Variants in C9 observed in about 807,000 individuals in gnomAD.
C9 encodes the protein complement C9.
A neutral mutation model predicts 65.4 loss-of-function variants in C9; 63 were observed. That is an observed-to-expected ratio of 0.96 (90% CI 0.79 to 1.19). C9 has a LOEUF of 1.19. C9 is among the 50% of genes most tolerant of loss of function. The pLI, the probability that C9 is intolerant of heterozygous loss-of-function variation, is 0.00. For synonymous variants in C9, 229 were observed against 227.9 expected, an observed-to-expected ratio of 1.00 and a Z score of -0.04; for missense variants, 744 against 670.1, an observed-to-expected ratio of 1.11 and a Z score of -1.22.
At chr5:39,302,008 G>T (rs573392438) in intron 9 of C9, among the ~76,000 whole-genome samples, 2 of 152,032 alleles carry the variant, frequency 1.3e-5, no homozygotes, top group Middle Eastern at 6.8e-3. Context: ...CCCTTCAAAG[G>T]AAAGTCAAGG....
chr5:39,340,545 C>T (rs941493576), intron 4 of C9, among the ~76,000 whole-genome samples: 1 of 152,202 alleles, frequency 6.6e-6, no homozygotes, highest in African/African-American at 2.4e-5. Flanking sequence ...CAAGACATCC[C>T]ATCTGAGCTT....
At chr5:39,313,283 A>G (rs959488150) in intron 6 of C9, among the ~76,000 whole-genome samples, 4 of 152,124 alleles carry the variant, frequency 2.6e-5, no homozygotes, top group Non-Finnish European at 5.9e-5. Flanking sequence ...TTAAATCTAA[A>G]TTATTCATGC....
intron 5 of C9, among the ~76,000 whole-genome samples, chr5:39,325,835 T>C (rs1753740621): frequency 6.6e-6 from 1 of 152,190 alleles, no homozygotes; most frequent in Admixed American, 6.5e-5. Flanking sequence ...AGATCTCTTT[T>C]TACAATTTAG....
At chr5:39,334,112 A>C (rs565790496) in intron 4 of C9, among the ~76,000 whole-genome samples, 6 of 125,474 alleles carry the variant, frequency 4.8e-5, no homozygotes, top group Admixed American at 1.7e-4. Context: ...CTGGCTGCCC[A>C]GTCTGGAAAG....
chr5:39,349,020 G>T (rs1339224525), intron 1 of C9, among the ~76,000 whole-genome samples: 1 of 149,840 alleles, frequency 6.7e-6, no homozygotes, highest in Non-Finnish European at 1.5e-5. Context: ...GGGGCATGTT[G>T]TGGGGTGGGG....
chr5:39,337,633 G>A (rs1753994170), intron 4 of C9, among the ~76,000 whole-genome samples: 1 of 152,250 alleles, frequency 6.6e-6, no homozygotes, highest in African/African-American at 2.4e-5. Context: ...TCACAGAAGT[G>A]GTGTTATGCT....
chr5:39,317,129 G>C (rs970006180), intron 5 of C9, among the ~76,000 whole-genome samples: 1 of 151,992 alleles, frequency 6.6e-6, no homozygotes, highest in African/African-American at 2.4e-5. Context: ...ATGTTTGTTG[G>C]CCACATGAAT....
In C9 at chr5:39,352,736, G is replaced by A. The variant is rs72738460; in HGVS notation, c.78-10540C>T. ...TTACTCTCTAATTCAGTTTCCAGAA[G>A]GCATCCAGAGGGGTCTTTTAAAAAT... On this transcript the variant is annotated intron_variant, in intron 1 of 10. Coordinates refer to ENST00000263408, the MANE Select transcript of C9 (RefSeq NM_001737.5). 5.3e-3 allele frequency among the ~76,000 whole-genome samples: 810 copies of A among 152,214 alleles called. 2 individuals carry two copies. Among genetic ancestry groups the A allele is most frequent in the Non-Finnish European group, 8.5e-3 (581 of 68,018 alleles).
intron 6 of C9, among the ~76,000 whole-genome samples, chr5:39,313,503 T>C (rs1010378515): frequency 1.3e-5 from 2 of 152,150 alleles, no homozygotes; most frequent in African/African-American, 4.8e-5. Flanking sequence ...AACTATAAAA[T>C]GTGAACAAAC....
chr5:39,362,264 T>G (rs1295479502), intron 1 of C9, among the ~76,000 whole-genome samples: 2 of 152,160 alleles, frequency 1.3e-5, no homozygotes, highest in Non-Finnish European at 2.9e-5. Flanking sequence ...TAAAATGACA[T>G]CGTTAGGGTG....
intron 1 of C9, among the ~76,000 whole-genome samples, chr5:39,363,853 C>T (rs1434145418): frequency 2.0e-5 from 3 of 152,188 alleles, no homozygotes; most frequent in African/African-American, 7.2e-5. Flanking sequence ...CACTGCAATT[C>T]TGGAATGGAA....
At chr5:39,360,248 T>A (rs1263265347) in intron 1 of C9, among the ~76,000 whole-genome samples, 3 of 152,150 alleles carry the variant, frequency 2.0e-5, no homozygotes, top group Non-Finnish European at 4.4e-5. Context: ...TATCATCCCT[T>A]AGATATCTAC....
At chr5:39,317,421 C>T (rs1036588688) in intron 5 of C9, among the ~76,000 whole-genome samples, 30 of 152,156 alleles carry the variant, frequency 2.0e-4, no homozygotes, top group African/African-American at 7.2e-4. Flanking sequence ...TTTGCCCATG[C>T]CTGTGTCCTG....
intron 5 of C9, among the ~76,000 whole-genome samples, chr5:39,319,220 C>G (rs1265862524): frequency 6.6e-6 from 1 of 152,206 alleles, no homozygotes; most frequent in African/African-American, 2.4e-5. Context: ...TTGCTACAAG[C>G]TTTTCTGGCT....
chr5:39,307,372 C>T (rs527515243), intron 8 of C9, among the ~76,000 whole-genome samples: 1 of 152,210 alleles, frequency 6.6e-6, no homozygotes, highest in Admixed American at 6.5e-5. Context: ...TTTGTCATCC[C>T]CTCTTCATTT....
intron 10 of C9, 41 bp downstream of exon 10, chr5:39,288,682 C>G (rs1422802832): frequency 9.6e-7 from 1 of 1,046,286 alleles, no homozygotes; most frequent in Non-Finnish European, 1.5e-6. Flanking sequence ...CCCCAAAGTG[C>G]ATATTTTTGT....
chr5:39,316,671 G>A (rs560928948), intron 5 of C9, among the ~76,000 whole-genome samples: 3 of 152,252 alleles, frequency 2.0e-5, no homozygotes, highest in South Asian at 2.1e-4. Flanking sequence ...TGCAAAGGAC[G>A]TGATCTTGTT....
At chr5:39,357,900 C>T (rs539720658) in intron 1 of C9, among the ~76,000 whole-genome samples, 1 of 152,134 alleles carries the variant, frequency 6.6e-6, no homozygotes, top group Non-Finnish European at 1.5e-5. Context: ...GCTGGTTTAT[C>T]TAAAGATATT....
At chr5:39,329,435 CTG>C (rs1218655048) in intron 5 of C9, among the ~76,000 whole-genome samples, 3 of 152,118 alleles carry the variant, frequency 2.0e-5, no homozygotes, top group African/African-American at 7.2e-5. Context: ...GATAAAGAAA[CTG>C]AGGCACAATG....
Sources: allele counts gnomAD v4.1 joint callset (sites outside exome capture counted in the v4.1 genomes callset), GRCh38; gene constraint gnomAD v4.1.1; transcripts MANE v1.5; gene names NCBI Gene and HGNC (gene_info 2026-07-23, HGNC 2026-07-21).